The following TMEM156 variants were observed in gnomAD, a reference collection of about 807,000 sequenced individuals.
TMEM156 encodes the protein transmembrane protein 156.
TMEM156 carries 28 observed loss-of-function variants against 30.5 expected under a neutral mutation model. The observed-to-expected ratio is 0.92, with a 90% confidence interval of 0.68 to 1.26. The LOEUF is 1.26. Among genes scored for constraint, TMEM156 ranks in the 50% most tolerant of loss-of-function variants. The probability of loss-of-function intolerance (pLI) is 0.00; values close to 1 mark genes in which losing one functional copy is unlikely to be tolerated. For synonymous variants in TMEM156, 137 were observed against 119.9 expected (o/e 1.14, Z -0.93); for missense variants, 351 against 340.6 (o/e 1.03, Z -0.24).
intron 1 of TMEM156, among the ~76,000 whole-genome samples, chr4:39,024,776 T>C (rs775156561): frequency 3.9e-5 from 6 of 152,172 alleles, no homozygotes; most frequent in Admixed American, 3.9e-4. Context: ...GTGACATGCA[T>C]TTACCTATAT....
At chr4:38,992,734 T>A (rs1442476506) in intron 3 of TMEM156, among the ~76,000 whole-genome samples, 1 of 50,310 alleles carries the variant, frequency 2.0e-5, no homozygotes, top group African/African-American at 6.4e-5. Flanking sequence ...AATATATATA[T>A]AATATATAAT....
chr4:38,993,879 G>T lies in TMEM156; in HGVS notation c.478C>A (p.His160Asn). The T allele has an allele frequency of 6.2e-7, 1 of 1,614,050 alleles. No individual in the cohort carries two copies. The highest frequency in any genetic ancestry group is 8.5e-7 in the Non-Finnish European group (1 of 1,180,006). ...DHLEEYNTTC[H>N]LKNHTGRSTI... Reference sequence around the variant, plus strand: ...GATCTTCCAGTGTGGTTTTTTAGATGACAGGTAGTGTTATATTCCTCCAAG... The same window carrying T: ...GATCTTCCAGTGTGGTTTTTTAGATTACAGGTAGTGTTATATTCCTCCAAG... The change falls in exon 3 of 7, where the codon CAT becomes AAT. Residue 160 changes from histidine (H) to asparagine (N), a missense_variant. Physicochemically the swap from His to Asn is moderately conservative, Grantham distance 68. Transcript: ENST00000381938.
intron 6 of TMEM156, 92 bp downstream of exon 6, chr4:38,970,940 C>G: frequency 1.3e-6 from 1 of 766,602 alleles, no homozygotes; most frequent in Non-Finnish European, 2.1e-6. Context: ...CTACCTCCTA[C>G]CAGATAGAAA....
At chr4:38,992,719 T>C (rs1252105860) in intron 3 of TMEM156, among the ~76,000 whole-genome samples, 2 of 42,870 alleles carry the variant, frequency 4.7e-5, no homozygotes, top group Non-Finnish European at 1.0e-4. Context: ...ATATTATATA[T>C]ATATAATATA....
chr4:38,980,898 C>A, intron 5 of TMEM156: 5 of 982,596 alleles, frequency 5.1e-6, no homozygotes, highest in African/African-American at 3.5e-5. Flanking sequence ...TTCTTCCAGG[C>A]CTGACATATA....
At chr4:38,987,356 G>A (rs1221241726) in intron 4 of TMEM156, among the ~76,000 whole-genome samples, 2 of 152,124 alleles carry the variant, frequency 1.3e-5, no homozygotes, top group African/African-American at 4.8e-5. Context: ...CACAGTTTAA[G>A]AATCTAGTGA....
At chr4:38,975,603 G>A (rs1448448022) in intron 5 of TMEM156, among the ~76,000 whole-genome samples, 2 of 151,770 alleles carry the variant, frequency 1.3e-5, no homozygotes, top group Admixed American at 6.6e-5. Context: ...GGCTGGCCTC[G>A]AACTTCTGAT....
intron 5 of TMEM156, among the ~76,000 whole-genome samples, chr4:38,985,155 C>T (rs1306641019): frequency 6.6e-6 from 1 of 152,120 alleles, no homozygotes; most frequent in Non-Finnish European, 1.5e-5. Context: ...AAGAGGGGAG[C>T]CCAGGGAAAA....
chr4:38,968,339 C>T (rs760880670), intron 6 of TMEM156, among the ~76,000 whole-genome samples: 2 of 152,144 alleles, frequency 1.3e-5, no homozygotes, highest in African/African-American at 4.8e-5. Flanking sequence ...AACATCTAAA[C>T]GCTAGGCATC....
chr4:39,010,866 G>C (rs572838776), intron 1 of TMEM156, among the ~76,000 whole-genome samples: 3 of 152,200 alleles, frequency 2.0e-5, no homozygotes, highest in Admixed American at 1.3e-4. Context: ...AAGAAATTAT[G>C]AATAAGTCCT....
intron 1 of TMEM156, among the ~76,000 whole-genome samples, chr4:39,013,568 T>C (rs1437368561): frequency 6.6e-6 from 1 of 151,740 alleles, no homozygotes; most frequent in Non-Finnish European, 1.5e-5. Context: ...GCCCAGCTAA[T>C]TTTTTGTATT....
chr4:38,979,274 C>T (rs936232480), intron 5 of TMEM156, among the ~76,000 whole-genome samples: 1 of 152,246 alleles, frequency 6.6e-6, no homozygotes, highest in African/African-American at 2.4e-5. Flanking sequence ...AGCAGCCAAG[C>T]AGCCAGTCCT....
At chr4:38,977,218 A>G (rs970290656) in intron 5 of TMEM156, among the ~76,000 whole-genome samples, 2 of 152,140 alleles carry the variant, frequency 1.3e-5, no homozygotes, top group Non-Finnish European at 2.9e-5. Context: ...ATCATTCTTT[A>G]TAAAGGTTAA....
intron 5 of TMEM156, among the ~76,000 whole-genome samples, chr4:38,983,243 A>C (rs2109901826): frequency 6.6e-6 from 1 of 152,068 alleles, no homozygotes; most frequent in Admixed American, 6.5e-5. Flanking sequence ...TGGGCTACCT[A>C]CTGGTTTTCC....
chr4:38,986,703 G>A (rs1243834506), intron 4 of TMEM156, among the ~76,000 whole-genome samples: 6 of 150,560 alleles, frequency 4.0e-5, no homozygotes, highest in Non-Finnish European at 7.4e-5. Context: ...AGCTACTCAG[G>A]AGGCTGAGGC....
intron 1 of TMEM156, among the ~76,000 whole-genome samples, chr4:39,031,807 C>T (rs1055426157): frequency 2.7e-5 from 4 of 146,422 alleles, no homozygotes; most frequent in Admixed American, 1.4e-4. Flanking sequence ...TGCTTGAATC[C>T]GGCAGGCAGA....
chr4:38,985,765 C>T (rs1240814580), intron 5 of TMEM156, among the ~76,000 whole-genome samples: 1 of 152,158 alleles, frequency 6.6e-6, no homozygotes. Context: ...CTCTTTTTAA[C>T]GTGATTTGAC....
intron 5 of TMEM156, among the ~76,000 whole-genome samples, chr4:38,975,197 T>C (rs1445510439): frequency 6.6e-6 from 1 of 152,072 alleles, no homozygotes; most frequent in African/African-American, 2.4e-5. Context: ...CATCTTTACC[T>C]GGCCCACAGC....
At chr4:39,005,454 T>A (rs1409949250) in intron 1 of TMEM156, among the ~76,000 whole-genome samples, 2 of 152,174 alleles carry the variant, frequency 1.3e-5, no homozygotes, top group Non-Finnish European at 1.5e-5. Context: ...CCCCTTCACC[T>A]TCCACCATGA....
Sources: gnomAD v4.1 joint callset for allele counts (sites outside exome capture counted in the v4.1 genomes callset) on GRCh38, gnomAD v4.1.1 for gene constraint, MANE v1.5 for transcripts, NCBI Gene and HGNC (gene_info 2026-07-23, HGNC 2026-07-21) for gene names.